The following YY1AP1 variants were observed in gnomAD, a reference collection of about 807,000 sequenced individuals.
YY1AP1 encodes the protein YY1-associated protein 1.
Under a neutral mutation model 39.9 loss-of-function variants are expected in YY1AP1, and 43 were observed. The ratio of observed to expected loss-of-function variants is 1.08; its 90% confidence interval spans 0.84 to 1.39. The LOEUF (loss-of-function observed/expected upper bound fraction) is 1.39. Ranked by LOEUF, YY1AP1 falls within the 40% of genes most tolerant of loss-of-function variation. The probability of loss-of-function intolerance (pLI) is 0.00; values close to 1 mark genes in which losing one functional copy is unlikely to be tolerated. For missense variants in YY1AP1, 813 were observed against 900.7 expected, an observed-to-expected ratio of 0.90 and a Z score of 1.25; for synonymous variants, 292 against 331.3, an observed-to-expected ratio of 0.88 and a Z score of 1.29.
intron 2 of YY1AP1, among the ~76,000 whole-genome samples, chr1:155,685,476 G>GA (rs889777715): frequency 6.6e-6 from 1 of 151,856 alleles, no homozygotes; most frequent in East Asian, 1.9e-4. Flanking sequence ...ATCCAAAACT[G>GA]AAAAAAAGAC....
In YY1AP1 at chr1:155,675,918, G is replaced by A. The variant is rs6694505; in HGVS notation, c.324+630C>T. Among the ~76,000 whole-genome samples, 1,125 of 152,280 alleles carry A rather than the reference G, an allele frequency of 7.4e-3. 7 individuals are homozygous for A. The highest frequency in any genetic ancestry group is 0.025 in the Admixed American group (384 of 15,304). ...GGAAGTTTAACCTCTAAACAGAGGAGGAACTGAGATTAGAAAAGGAAAAGG... is the reference window on the plus strand; with the variant it reads ...GGAAGTTTAACCTCTAAACAGAGGAAGAACTGAGATTAGAAAAGGAAAAGG... On this transcript the variant is annotated intron_variant, in intron 5 of 10. Transcript: ENST00000355499.
At chr1:155,685,753 AT>A (rs1341329693) in intron 2 of YY1AP1, among the ~76,000 whole-genome samples, 1 of 152,208 alleles carries the variant, frequency 6.6e-6, no homozygotes, top group Non-Finnish European at 1.5e-5. Flanking sequence ...CTAAATATAA[AT>A]TGGCTCTATT....
intron 7 of YY1AP1, chr1:155,670,923 G>A (rs941612974): frequency 5.8e-6 from 1 of 172,238 alleles, no homozygotes; most frequent in Admixed American, 5.5e-5. Flanking sequence ...CGACAGCCTC[G>A]GCCTCCTAAA....
chr1:155,668,479 A>G, intron 9 of YY1AP1, 148 bp downstream of exon 9: 1 of 1,218,838 alleles, frequency 8.2e-7, no homozygotes, highest in South Asian at 1.4e-5. Flanking sequence ...ATGTCCCTGA[A>G]AAGGCAACAG....
At chr1:155,661,552 A>ACACAG in intron 9 of YY1AP1, 129 bp from the exon 10 acceptor site, 3 of 926,242 alleles carry the variant, frequency 3.2e-6, no homozygotes, top group Non-Finnish European at 3.0e-6. Context: ...CACACACACA[A>ACACAG]GACCACATAC....
chr1:155,688,440 C>A, intron 1 of YY1AP1: 1 of 1,548,412 alleles, frequency 6.5e-7, no homozygotes, highest in Non-Finnish European at 8.7e-7. Flanking sequence ...CCCCACGGTC[C>A]CCCGCTTCGC....
In YY1AP1 at chr1:155,661,328, G is replaced by A. The variant is rs56737889; in HGVS notation, c.975C>T (p.His325=). The part of the protein sequence containing the change: ...QWKPPIEREE[H]RLPFWLKASL... ...GTACCTTTAACCAGAATGGGAGCCG[G>A]TGTTCTTCTCTCTCTATAGGTGGCT... The change falls in exon 10 of 11, where the codon CAC becomes CAT. Residue 325 remains histidine (H), a synonymous_variant. Coordinates refer to ENST00000355499, the MANE Select transcript of YY1AP1 (RefSeq NM_139119.3). The A allele has an allele frequency of 3.1e-4, 496 of 1,613,846 alleles. 1 individual carries two copies. In the African/African-American group the frequency reaches 6.1e-3, roughly 20 times the overall value.
rs927165270 is a variant in YY1AP1, at chr1:155,688,285, T to C, written c.-151-84A>G. The C allele has an allele frequency of 1.0e-5, 16 of 1,583,082 alleles. No homozygotes were observed. Among genetic ancestry groups the C allele is most frequent in the Admixed American group, 5.6e-5 (3 of 53,748 alleles). The stretch of plus-strand genomic sequence containing the variant: ...AGGAGGCGGATCCCGCAACCGACAC[T>C]GGGATCGTTTCCCCTCGCAAAGCGA... On this transcript the variant is annotated intron_variant, in intron 1 of 10. Coordinates refer to ENST00000355499, the MANE Select transcript of YY1AP1 (RefSeq NM_139119.3).
intron 2 of YY1AP1, among the ~76,000 whole-genome samples, chr1:155,683,673 AC>A (rs1340356235): frequency 2.0e-5 from 3 of 151,950 alleles, no homozygotes; most frequent in Admixed American, 1.3e-4. Context: ...ACAAAACAAA[AC>A]AAAAAAAACA....
intron 9 of YY1AP1, 21 bp from the exon 10 acceptor site, chr1:155,661,444 C>T (rs1648097730): frequency 6.2e-7 from 1 of 1,613,156 alleles, no homozygotes; most frequent in South Asian, 1.1e-5. Flanking sequence ...AAAAAATGCG[C>T]ATGAATTACA....
chr1:155,660,962 A>G, intron 10 of YY1AP1, 49 bp from the exon 11 acceptor site: 1 of 1,612,808 alleles, frequency 6.2e-7, no homozygotes, highest in East Asian at 2.2e-5. Flanking sequence ...GAATTTGGGA[A>G]AAAGAATAGG....
chr1:155,671,362 C>T (rs186125941), intron 7 of YY1AP1, among the ~76,000 whole-genome samples: 8 of 150,772 alleles, frequency 5.3e-5, no homozygotes, highest in Admixed American at 1.3e-4. Context: ...ACCTGGGAGG[C>T]GGAGGTTGCA....
At chr1:155,667,491 C>G (rs1368091756) in intron 9 of YY1AP1, among the ~76,000 whole-genome samples, 2 of 150,308 alleles carry the variant, frequency 1.3e-5, no homozygotes, top group East Asian at 3.9e-4. Flanking sequence ...GAGTGAGAAC[C>G]TGTCTCTAAA....
rs113197997 is a variant in YY1AP1, at chr1:155,660,606, T to C, written c.1304A>G (p.Gln435Arg). The change falls in exon 11 of 11, where the codon CAA becomes CGA. Residue 435 changes from glutamine to arginine, a missense_variant. By Grantham distance (43) the Gln-to-Arg change is conservative (BLOSUM62 1). Transcript: ENST00000355499. ...PSFNPGKTPAQSTHSEAPPSK... is the reference protein window; with the variant it reads ...PSFNPGKTPARSTHSEAPPSK... ...CGGAGGGGCTTCTGAATGAGTTGATTGGGCTGGTGTTTTCCCAGGGTTGAA... is the reference window on the plus strand; with the variant it reads ...CGGAGGGGCTTCTGAATGAGTTGATCGGGCTGGTGTTTTCCCAGGGTTGAA... The C allele has an allele frequency of 4.3e-3, 6,997 of 1,613,348 alleles. 191 individuals are homozygous for C. In the African/African-American group the frequency reaches 0.066, roughly 15 times the overall value.
chr1:155,659,625 G>A lies in YY1AP1; in HGVS notation c.*32C>T. ...CCACCAATCGGAGGCCGAAGTGAAG[G>A]CTCCCAGTCTCCAGACTCTTATTCT... On this transcript the variant is annotated 3_prime_UTR_variant, in exon 11 of 11. Coordinates refer to ENST00000355499, the MANE Select transcript of YY1AP1 (RefSeq NM_139119.3). The A allele has an allele frequency of 6.2e-7, 1 of 1,611,218 alleles. No homozygotes were observed. Among genetic ancestry groups the A allele is most frequent in the Non-Finnish European group, 8.5e-7 (1 of 1,178,382 alleles).
At chr1:155,686,271 G>C (rs1319097331) in intron 2 of YY1AP1, among the ~76,000 whole-genome samples, 1 of 151,350 alleles carries the variant, frequency 6.6e-6, no homozygotes, top group Non-Finnish European at 1.5e-5. Flanking sequence ...TCCTGACCTC[G>C]TGATTCGATC....
intron 9 of YY1AP1, among the ~76,000 whole-genome samples, chr1:155,663,824 A>C (rs1294998913): frequency 2.6e-5 from 4 of 152,194 alleles, no homozygotes; most frequent in Non-Finnish European, 5.9e-5. Context: ...AAAATATTGA[A>C]GCCAAAGGAA....
At chr1:155,688,489 C>G (rs993043963) in intron 1 of YY1AP1, 170 bp downstream of exon 1, 36 of 1,549,244 alleles carry the variant, frequency 2.3e-5, no homozygotes, top group Non-Finnish European at 2.6e-5. Flanking sequence ...AGCCCGCACG[C>G]GTACGAGTGT....
At chr1:155,667,432 A>G (rs994867503) in intron 9 of YY1AP1, among the ~76,000 whole-genome samples, 1 of 151,856 alleles carries the variant, frequency 6.6e-6, no homozygotes, top group African/African-American at 2.4e-5. Context: ...CAGGAATTTG[A>G]GGTTGCAGTG....
Sources: gnomAD v4.1 joint callset for allele counts (sites outside exome capture counted in the v4.1 genomes callset) on GRCh38, gnomAD v4.1.1 for gene constraint, MANE v1.5 for transcripts, NCBI Gene and HGNC (gene_info 2026-07-23, HGNC 2026-07-21) for gene names.